The following PHLPP1 variants were observed in gnomAD, a reference collection of about 807,000 sequenced individuals.
PHLPP1 encodes the protein PH domain and leucine rich repeat protein phosphatase 1, also known as PH domain leucine-rich repeat-containing protein phosphatase 1.
PHLPP1 carries 42 observed loss-of-function variants against 117.2 expected under a neutral mutation model. The ratio of observed to expected loss-of-function variants is 0.36; its 90% CI spans 0.28 to 0.46. The LOEUF (loss-of-function observed/expected upper bound fraction) is 0.46. PHLPP1 is among the 20% of genes least tolerant of loss of function. The probability of loss-of-function intolerance (pLI) is 1.00; values close to 1 mark genes in which losing one functional copy is unlikely to be tolerated. For missense variants in PHLPP1, 2,084 were observed against 2,241.9 expected (o/e 0.93, Z 1.42); for synonymous variants, 1,042 against 970.7 (o/e 1.07, Z -1.37).
At chr18:62,942,668 T>G (rs1166959698) in intron 11 of PHLPP1, among the ~76,000 whole-genome samples, 1 of 152,202 alleles carries the variant, frequency 6.6e-6, no homozygotes, top group African/African-American at 2.4e-5. Context: ...TGTTTCCATT[T>G]CATTGGCTTT....
At chr18:62,717,697 G>A (rs1274340091) in intron 1 of PHLPP1, among the ~76,000 whole-genome samples, 1 of 152,162 alleles carries the variant, frequency 6.6e-6, no homozygotes, top group African/African-American at 2.4e-5. Flanking sequence ...TGACTGTCCA[G>A]TTGAGCGTTC....
At chr18:62,958,535 C>T (rs1390798003) in intron 12 of PHLPP1, 94 bp from the exon 13 acceptor site, 2 of 1,213,986 alleles carry the variant, frequency 1.6e-6, no homozygotes, top group African/African-American at 3.0e-5. Flanking sequence ...AATGAATGGT[C>T]AGACTGATTT....
intron 1 of PHLPP1, among the ~76,000 whole-genome samples, chr18:62,777,718 C>A (rs1279294094): frequency 6.6e-6 from 1 of 152,060 alleles, no homozygotes; most frequent in East Asian, 1.9e-4. Context: ...ATTTGGATAT[C>A]ACTTGTAATA....
chr18:62,846,535 C>T (rs7240818), intron 3 of PHLPP1, among the ~76,000 whole-genome samples: 1 of 150,886 alleles, frequency 6.6e-6, no homozygotes, highest in Non-Finnish European at 1.5e-5. Context: ...TCACACATGT[C>T]TGAGAAGTGT....
At chr18:62,956,771 A>G (rs1394514800) in intron 12 of PHLPP1, among the ~76,000 whole-genome samples, 1 of 152,184 alleles carries the variant, frequency 6.6e-6, no homozygotes, top group African/African-American at 2.4e-5. Flanking sequence ...TAGAATGGCA[A>G]TATAATTTTT....
At chr18:62,816,364 GAC>G (rs1352631730) in intron 1 of PHLPP1, among the ~76,000 whole-genome samples, 4 of 152,060 alleles carry the variant, frequency 2.6e-5, no homozygotes, top group African/African-American at 9.7e-5. Flanking sequence ...AGGAGTTCAA[GAC>G]CAGCCCAAGT....
chr18:62,849,431 C>T (rs1017121273), intron 3 of PHLPP1, among the ~76,000 whole-genome samples: 3 of 151,622 alleles, frequency 2.0e-5, no homozygotes, highest in Non-Finnish European at 2.9e-5. Context: ...GAAGCTGAGG[C>T]GGGTGGATCA....
At chr18:62,966,164 A>T (rs1326683408) in intron 14 of PHLPP1, among the ~76,000 whole-genome samples, 3 of 152,070 alleles carry the variant, frequency 2.0e-5, no homozygotes, top group Non-Finnish European at 4.4e-5. Flanking sequence ...ACCTATCCTC[A>T]TGGGGTTGTT....
chr18:62,806,918 A>G (rs1697538505), intron 1 of PHLPP1, among the ~76,000 whole-genome samples: 1 of 152,182 alleles, frequency 6.6e-6, no homozygotes, highest in Non-Finnish European at 1.5e-5. Context: ...ATTCCAAGAA[A>G]TGAGGACTTT....
intron 7 of PHLPP1, among the ~76,000 whole-genome samples, chr18:62,903,933 A>C (rs1916786960): frequency 6.6e-6 from 1 of 152,208 alleles, no homozygotes; most frequent in African/African-American, 2.4e-5. Flanking sequence ...TAGTATGGGC[A>C]TATGTTTGCT....
chr18:62,898,015 C>CTCT (rs1916608215), intron 6 of PHLPP1, among the ~76,000 whole-genome samples: 3,141 of 144,552 alleles, frequency 0.022, 87 homozygotes, highest in South Asian at 0.071. Flanking sequence ...TTCCTCCTCC[C>CTCT]TTCTCCTCTT....
intron 3 of PHLPP1, among the ~76,000 whole-genome samples, chr18:62,857,937 A>G (rs146430667): frequency 6.6e-6 from 1 of 152,314 alleles, no homozygotes; most frequent in East Asian, 1.9e-4. Flanking sequence ...CTCACTTTCT[A>G]TAAACAGGTT....
intron 3 of PHLPP1, among the ~76,000 whole-genome samples, chr18:62,848,455 A>ATTTTTTTTTTTT (rs56223512): frequency 1.1e-5 from 1 of 88,550 alleles, no homozygotes; most frequent in Non-Finnish European, 2.1e-5. Context: ...TTTTTTGTTG[A>ATTTTTTTTTTTT]TTTTTTTTTT....
At chr18:62,866,500 CTCCCAA>C (rs1915774855) in intron 4 of PHLPP1, among the ~76,000 whole-genome samples, 1 of 152,062 alleles carries the variant, frequency 6.6e-6, no homozygotes, top group Admixed American at 6.6e-5. Flanking sequence ...CCATCTTGGC[CTCCCAA>C]AGTGCTGGGA....
chr18:62,902,768 T>TA (rs1271269472), intron 6 of PHLPP1, among the ~76,000 whole-genome samples, 196 bp from the exon 7 acceptor site: 1 of 152,154 alleles, frequency 6.6e-6, no homozygotes, highest in African/African-American at 2.4e-5. Flanking sequence ...TTGTGAAGGT[T>TA]AAAACCTCCT....
At chr18:62,758,555 T>G (rs1912105482) in intron 1 of PHLPP1, among the ~76,000 whole-genome samples, 1 of 152,232 alleles carries the variant, frequency 6.6e-6, no homozygotes, top group African/African-American at 2.4e-5. Context: ...AAATTTAGCT[T>G]CTTTTTGCTA....
At chr18:62,853,570 A>G (rs1041044725) in intron 3 of PHLPP1, among the ~76,000 whole-genome samples, 2 of 151,984 alleles carry the variant, frequency 1.3e-5, no homozygotes, top group African/African-American at 4.8e-5. Context: ...GAGTTTCCCC[A>G]TGTTGGCCAG....
At chr18:62,738,679 G>C (rs1911437256) in intron 1 of PHLPP1, among the ~76,000 whole-genome samples, 1 of 152,080 alleles carries the variant, frequency 6.6e-6, no homozygotes, top group Non-Finnish European at 1.5e-5. Flanking sequence ...TTCTAAATTA[G>C]GTACAGTAAG....
At chr18:62,793,077 A>AGGT (rs1913511372) in intron 1 of PHLPP1, among the ~76,000 whole-genome samples, 1 of 152,004 alleles carries the variant, frequency 6.6e-6, no homozygotes, top group Admixed American at 6.6e-5. Context: ...TGGGAGGCTG[A>AGGT]GGTGGGAGAA....
Sources: gnomAD v4.1 joint callset for allele counts (sites outside exome capture counted in the v4.1 genomes callset) on GRCh38, gnomAD v4.1.1 for gene constraint, MANE v1.5 for transcripts, NCBI Gene and HGNC (gene_info 2026-07-23, HGNC 2026-07-21) for gene names.